Variants in LDLRAD4 observed in about 807,000 individuals in gnomAD.
LDLRAD4 encodes low density lipoprotein receptor class A domain containing 4.
Under a neutral mutation model 17.0 loss-of-function variants are expected in LDLRAD4, and 5 were observed. The ratio of observed to expected loss-of-function variants is 0.29; its 90% CI spans 0.15 to 0.62. The LOEUF is 0.62. Among genes scored for constraint, LDLRAD4 ranks in the 20% least tolerant of loss-of-function variants. The probability of loss-of-function intolerance (pLI) is 0.84; values close to 1 mark genes in which losing one functional copy is unlikely to be tolerated. For missense variants in LDLRAD4, 340 were observed against 424.7 expected (o/e 0.80, Z 1.75); for synonymous variants, 168 against 171.8 (o/e 0.98, Z 0.17).
At chr18:13,250,753 G>C (rs1439657732) in intron 1 of LDLRAD4, among the ~76,000 whole-genome samples, 1 of 152,182 alleles carries the variant, frequency 6.6e-6, no homozygotes, top group Non-Finnish European at 1.5e-5. Flanking sequence ...TGTCACAGCA[G>C]AAAGGCCTAG....
chr18:13,257,479 A>G (rs1458081234), intron 1 of LDLRAD4, among the ~76,000 whole-genome samples: 3 of 152,192 alleles, frequency 2.0e-5, no homozygotes, highest in African/African-American at 4.8e-5. Flanking sequence ...TTCCATGAGC[A>G]GGGATGGGTT....
At chr18:13,275,260 T>G (rs1358468851), upstream of LDLRAD4, among the ~76,000 whole-genome samples, 1 of 152,220 alleles carries the variant, frequency 6.6e-6, no homozygotes, top group Admixed American at 6.5e-5. Flanking sequence ...AACCTTGAAC[T>G]GTAGATAAGT....
intron 2 of LDLRAD4, among the ~76,000 whole-genome samples, chr18:13,408,585 G>T (rs868842652): frequency 2.4e-4 from 36 of 151,900 alleles, no homozygotes; most frequent in Middle Eastern, 3.2e-3. Context: ...CAATTCTCCT[G>T]CCTCAGCCTC....
In LDLRAD4 at chr18:13,612,545, A is replaced by ACCC. The variant is rs11311417; in HGVS notation, c.182-8563_182-8561dup. The ACCC allele has an allele frequency of 1.0e-5, 13 of 1,299,068 alleles. No homozygotes were observed. In the South Asian group the frequency reaches 1.7e-4, roughly 17 times the overall value. The allele number at this position is 1,299,068 out of a possible 1,614,324, so 80.5% of individuals were successfully genotyped here. A position where few individuals can be genotyped will look rare whatever the true frequency, so the allele number is the denominator to read the frequency against. ...GAGTGAACGAGGCAGACAGAAACAC[A>ACCC]CCCCCCCCCCCTCCACGCTCACACA... On this transcript the variant is annotated intron_variant, in intron 3 of 5. Coordinates refer to ENST00000359446, the Ensembl canonical transcript of LDLRAD4.
At chr18:13,266,117 T>C (rs1306758167) in intron 1 of LDLRAD4, among the ~76,000 whole-genome samples, 1 of 152,212 alleles carries the variant, frequency 6.6e-6, no homozygotes, top group Non-Finnish European at 1.5e-5. Context: ...TTAGCAAGAA[T>C]GGCGGGCTCC....
At chr18:13,316,021 C>T (rs1417401992) in intron 1 of LDLRAD4, among the ~76,000 whole-genome samples, 2 of 151,930 alleles carry the variant, frequency 1.3e-5, no homozygotes, top group Non-Finnish European at 1.5e-5. Flanking sequence ...AAAGGCCCAG[C>T]GTGCAAAGGT....
chr18:13,352,482 T>C (rs1429107868), intron 1 of LDLRAD4, among the ~76,000 whole-genome samples: 1 of 152,222 alleles, frequency 6.6e-6, no homozygotes, highest in Non-Finnish European at 1.5e-5. Context: ...TCTTACTGGA[T>C]ATCTTTTGTA....
chr18:13,516,705 G>A (rs1252318066), intron 3 of LDLRAD4, among the ~76,000 whole-genome samples: 1 of 152,194 alleles, frequency 6.6e-6, no homozygotes. Flanking sequence ...TCATATAAAG[G>A]TGTTTAGGTT....
At chr18:13,589,012 T>A (rs549645741) in intron 3 of LDLRAD4, among the ~76,000 whole-genome samples, 57 of 151,182 alleles carry the variant, frequency 3.8e-4, no homozygotes, top group African/African-American at 1.3e-3. Context: ...CATTGTAACC[T>A]CCGCCTCCCA....
chr18:13,636,582 G>C (rs2042104635), intron 4 of LDLRAD4, among the ~76,000 whole-genome samples: 1 of 137,168 alleles, frequency 7.3e-6, no homozygotes, highest in Admixed American at 7.4e-5. Context: ...TACAACCTCG[G>C]CCTCCCAGGT....
chr18:13,524,629 T>C (rs1447451275), intron 3 of LDLRAD4, among the ~76,000 whole-genome samples: 2 of 152,240 alleles, frequency 1.3e-5, no homozygotes, highest in Non-Finnish European at 1.5e-5. Context: ...CCATTTATTA[T>C]GAATAGCTCA....
chr18:13,502,400 T>C (rs1190837832), intron 3 of LDLRAD4, among the ~76,000 whole-genome samples: 1 of 152,234 alleles, frequency 6.6e-6, no homozygotes, highest in Non-Finnish European at 1.5e-5. Context: ...ACTAATTCTT[T>C]CACACACCCA....
At chr18:13,494,017 G>A (rs937723409) in intron 3 of LDLRAD4, among the ~76,000 whole-genome samples, 10 of 152,196 alleles carry the variant, frequency 6.6e-5, no homozygotes, top group African/African-American at 1.4e-4. Flanking sequence ...TGTGGAGGCC[G>A]CCTTCCTGGC....
At chr18:13,332,164 A>G (rs1395991482) in intron 1 of LDLRAD4, among the ~76,000 whole-genome samples, 2 of 152,250 alleles carry the variant, frequency 1.3e-5, no homozygotes, top group Admixed American at 1.3e-4. Flanking sequence ...CGTTCTTAGA[A>G]ACTTCATTTT....
intron 1 of LDLRAD4, among the ~76,000 whole-genome samples, chr18:13,341,331 T>C (rs1029661019): frequency 4.6e-5 from 7 of 152,166 alleles, no homozygotes; most frequent in African/African-American, 1.2e-4. Flanking sequence ...AGTACTGATA[T>C]CTTAAAAATA....
intron 3 of LDLRAD4, among the ~76,000 whole-genome samples, chr18:13,610,083 T>C (rs901483945): frequency 1.3e-5 from 2 of 152,160 alleles, no homozygotes; most frequent in Non-Finnish European, 2.9e-5. Context: ...CACTGGGGAA[T>C]AGCTGATGGC....
chr18:13,386,362 A>T (rs922677533), intron 1 of LDLRAD4, among the ~76,000 whole-genome samples: 7 of 136,474 alleles, frequency 5.1e-5, no homozygotes, highest in African/African-American at 1.9e-4. Context: ...AAATGCTTTT[A>T]TTATTATTCT....
At chr18:13,615,412 C>A (rs1045820952) in intron 3 of LDLRAD4, 4 of 152,218 alleles carry the variant, frequency 2.6e-5, no homozygotes, top group African/African-American at 9.6e-5. Context: ...ATGGTGTTAA[C>A]CATCCCACAA....
chr18:13,612,182 T>G, intron 3 of LDLRAD4: 1 of 987,290 alleles, frequency 1.0e-6, no homozygotes, highest in Non-Finnish European at 1.2e-6. Flanking sequence ...GATATTTGCC[T>G]GTTGAAAAGA....
Sources: gnomAD v4.1 joint callset for allele counts (sites outside exome capture counted in the v4.1 genomes callset) on GRCh38, gnomAD v4.1.1 for gene constraint, MANE v1.5 for transcripts, NCBI Gene and HGNC (gene_info 2026-07-23, HGNC 2026-07-21) for gene names.